The following ARMCX4 variants were observed in gnomAD, a reference collection of about 807,000 sequenced individuals.
ARMCX4 encodes the protein armadillo repeat-containing X-linked protein 4.
Under a neutral mutation model 34.7 loss-of-function variants are expected in ARMCX4, and 3 were observed. The ratio of observed to expected loss-of-function variants is 0.09; its 90% CI spans 0.04 to 0.22. ARMCX4 has a LOEUF of 0.22. Ranked by LOEUF, ARMCX4 falls within the 10% of genes least tolerant of loss-of-function variation. The probability of loss-of-function intolerance (pLI) is 1.00; values close to 1 mark genes in which losing one functional copy is unlikely to be tolerated. For synonymous variants in ARMCX4, 513 were observed against 632.8 expected, an observed-to-expected ratio of 0.81 and a Z score of 2.84; for missense variants, 1,448 against 1,720.8, an observed-to-expected ratio of 0.84 and a Z score of 2.81.
downstream of ARMCX4, among the ~76,000 whole-genome samples, chrX:101,452,723 T>G (rs1555999307): frequency 9.1e-6 from 1 of 109,587 alleles, no homozygotes; most frequent in Non-Finnish European, 1.9e-5. Context: ...ACCCGGCTAA[T>G]TTTTGTATTT....
chrX:101,434,169 A>G (rs1313673775), intron 2 of ARMCX4, among the ~76,000 whole-genome samples: 2 of 109,422 alleles, frequency 1.8e-5, no homozygotes, highest in African/African-American at 6.7e-5. Flanking sequence ...CTGATCTTGA[A>G]CTGCTGAGCT....
intron 11 of ARMCX4, chrX:101,511,177 T>C (rs1278186956): frequency 9.0e-6 from 1 of 111,664 alleles, no homozygotes; most frequent in Admixed American, 9.5e-5. Flanking sequence ...TGATTGTTTC[T>C]TCTTACCATT....
intron 11 of ARMCX4, among the ~76,000 whole-genome samples, chrX:101,513,192 AATCAC>A (rs1442183355): frequency 9.0e-6 from 1 of 111,371 alleles, no homozygotes; most frequent in Non-Finnish European, 1.9e-5. Flanking sequence ...TATAAATGTG[AATCAC>A]ATCTACAAAA....
At chrX:101,433,298 G>C (rs1204243032) in intron 2 of ARMCX4, among the ~76,000 whole-genome samples, 6 of 101,403 alleles carry the variant, frequency 5.9e-5, no homozygotes, top group Middle Eastern at 5.9e-3. Flanking sequence ...ATACATATAT[G>C]TACCTATATG....
intron 2 of ARMCX4, among the ~76,000 whole-genome samples, chrX:101,428,622 C>T (rs1489557992): frequency 8.9e-6 from 1 of 111,785 alleles, no homozygotes; most frequent in Non-Finnish European, 1.9e-5. Context: ...CCATCTCTCT[C>T]TGTTCTCTAC....
intron 2 of ARMCX4, among the ~76,000 whole-genome samples, chrX:101,442,010 G>T (rs782477758): frequency 2.7e-5 from 3 of 111,910 alleles, no homozygotes; most frequent in Non-Finnish European, 5.6e-5. Context: ...TGGATGCATG[G>T]ATTCCGTTAT....
At chrX:101,480,173 CACATAT>C (rs1162055766) in intron 4 of ARMCX4, among the ~76,000 whole-genome samples, 3 of 101,025 alleles carry the variant, frequency 3.0e-5, no homozygotes, top group African/African-American at 1.1e-4. Flanking sequence ...CACACACACA[CACATAT>C]ATATGCAATG....
intron 10 of ARMCX4, among the ~76,000 whole-genome samples, chrX:101,510,293 G>A (rs1293299662): frequency 7.2e-5 from 8 of 111,718 alleles, no homozygotes; most frequent in East Asian, 2.8e-4. Flanking sequence ...TTCCACATGA[G>A]TACATAATTT....
downstream of ARMCX4, among the ~76,000 whole-genome samples, chrX:101,449,268 C>T (rs1182386601): frequency 8.9e-6 from 1 of 112,310 alleles, no homozygotes; most frequent in Non-Finnish European, 1.9e-5. Flanking sequence ...TTCAGAAGTT[C>T]TCTGTTATTA....
At position 101,492,894 on chromosome X, in the gene ARMCX4, A is replaced by C; in HGVS notation, c.4305A>C (p.Gly1435=). 8.7e-7 allele frequency: 1 copy of C among 1,153,320 alleles called. No homozygotes were observed. The highest frequency in any genetic ancestry group is 1.9e-5 in the South Asian group (1 of 52,573). ...SWANSGDQIS[G]GFLVGIVDQA... is the part of the protein sequence containing the mutation. ...CTAACTCTGGGGACCAAATCAGTGG[A>C]GGATTCTTAGTTGGGATTGTGGACC... The change falls in exon 6 of 6, where the codon GGA becomes GGC. Residue 1435 remains glycine (G), a synonymous_variant. Transcript: ENST00000423738.
intron 4 of ARMCX4, among the ~76,000 whole-genome samples, chrX:101,469,223 T>C (rs1234215445): frequency 3.6e-5 from 4 of 112,397 alleles, no homozygotes; most frequent in Non-Finnish European, 7.5e-5. Flanking sequence ...AGTTATCCAA[T>C]TGTCAAAATT....
chrX:101,453,672 G>A (rs1442654188), intron 4 of ARMCX4, among the ~76,000 whole-genome samples: 2 of 110,739 alleles, frequency 1.8e-5, no homozygotes, highest in Non-Finnish European at 3.8e-5. Flanking sequence ...CTGTTTTACA[G>A]GGGTTCTCCT....
chrX:101,519,980 T>C (rs193131546), intron 11 of ARMCX4, among the ~76,000 whole-genome samples: 22 of 111,860 alleles, frequency 2.0e-4, no homozygotes, highest in Non-Finnish European at 1.9e-4. Flanking sequence ...TGAAGAAATG[T>C]CCATTCAAGT....
chrX:101,437,322 A>C (rs1171191807), intron 2 of ARMCX4, among the ~76,000 whole-genome samples: 3 of 111,088 alleles, frequency 2.7e-5, no homozygotes, highest in Non-Finnish European at 3.8e-5. Context: ...TCAATTTCAG[A>C]TCCTGTTATT....
At chrX:101,457,347 A>G (rs1413603380) in intron 4 of ARMCX4, among the ~76,000 whole-genome samples, 7 of 112,167 alleles carry the variant, frequency 6.2e-5, no homozygotes, top group South Asian at 3.7e-4. Flanking sequence ...GTTAGTGGCC[A>G]TCAATGGTCA....
intron 2 of ARMCX4, among the ~76,000 whole-genome samples, chrX:101,432,900 G>C (rs1250966802): frequency 8.2e-5 from 2 of 24,370 alleles, no homozygotes; most frequent in Admixed American, 8.8e-4. Flanking sequence ...ATATATACGT[G>C]TATATACACA....
Position 101,465,621 on chromosome X carries a change from T to C in ARMCX4, c.-473+19577T>C, listed in dbSNP as rs7063268. ...TATTGCCGCATGGTGTTTCATTGTA[T>C]AAACTTTTCTCAGTATTGGTAAAAT... On this transcript the variant is annotated intron_variant and NMD_transcript_variant, in intron 4 of 15. Transcript: ENST00000433011. 1.5e-3 allele frequency among the ~76,000 whole-genome samples: 170 copies of C among 112,284 alleles called. 2 individuals carry two copies. Among genetic ancestry groups the C allele is most frequent in the African/African-American group, 5.2e-3 (162 of 31,030 alleles).
chrX:101,515,414 T>TCTTCCTTC lies in ARMCX4; in HGVS notation c.*1780+4406_*1780+4413dup, dbSNP rs1159233873. ...CTTTCCCTCCCTCCCTCCCTCCCTC[T>TCTTCCTTC]CTTCCTTCCTTCCTTCCTTCCTTCC... is the stretch of plus-strand genomic sequence containing the variant. On this transcript the variant is annotated intron_variant and NMD_transcript_variant, in intron 11 of 12. Coordinates refer to the ARMCX4 transcript ENST00000354842. Among the ~76,000 whole-genome samples the TCTTCCTTC allele has an allele frequency of 5.4e-3, 67 of 12,326 alleles. 3 individuals carry two copies. Among genetic ancestry groups the TCTTCCTTC allele is most frequent in the African/African-American group, 0.017 (53 of 3,135 alleles). 10.7% of individuals were successfully genotyped at this position (12,326 alleles called of 115,157 possible). A position where few individuals can be genotyped will look rare whatever the true frequency, so the allele number is the denominator to read the frequency against.
rs143534706 is a variant in ARMCX4 at position 101,492,268 on chromosome X, G to T, written c.3679G>T (p.Ala1227Ser). Residue 1227 changes from alanine (A) to serine (S), a missense_variant, in exon 6 of 6, where the codon GCT (alanine) becomes TCT (serine). By Grantham distance (99) the Ala-to-Ser change is moderately conservative. Coordinates refer to ENST00000423738, the MANE Select transcript of ARMCX4 (RefSeq NM_001256155.3). Reference protein sequence around the residue: ...NQASGGSWALAGNQAIGELWA... With the variant: ...NQASGGSWALSGNQAIGELWA... ...GGCCAGTGGGGGGTCTTGGGCTCTCGCTGGGAATCAGGCCATTGGAGAGCT... is the reference window on the plus strand; with the variant it reads ...GGCCAGTGGGGGGTCTTGGGCTCTCTCTGGGAATCAGGCCATTGGAGAGCT... 61 of 1,137,395 alleles carry T rather than the reference G, an allele frequency of 5.4e-5. No individual in the cohort carries two copies. The highest frequency in any genetic ancestry group is 6.8e-5 in the Non-Finnish European group (59 of 864,593). The allele number at this position is 1,137,395 out of a possible 1,213,427, so 93.7% of individuals were successfully genotyped here. A position where few individuals can be genotyped will look rare whatever the true frequency, so the allele number is the denominator to read the frequency against.
Sources: allele counts gnomAD v4.1 joint callset (sites outside exome capture counted in the v4.1 genomes callset), GRCh38; gene constraint gnomAD v4.1.1; transcripts MANE v1.5; gene names NCBI Gene and HGNC (gene_info 2026-07-23, HGNC 2026-07-21).